Variants in SUSD5 observed in about 807,000 individuals in gnomAD.
The protein encoded by SUSD5 is sushi domain containing 5.
A neutral mutation model predicts 29.5 loss-of-function variants in SUSD5; 33 were observed. That is an observed-to-expected ratio of 1.12 (90% confidence interval 0.85 to 1.49). The LOEUF (loss-of-function observed/expected upper bound fraction) is 1.49. Ranked by LOEUF, SUSD5 falls within the 40% of genes most tolerant of loss-of-function variation. The probability of loss-of-function intolerance (pLI) is 0.00; values close to 1 mark genes in which losing one functional copy is unlikely to be tolerated. For synonymous variants in SUSD5, 308 were observed against 325.3 expected (o/e 0.95, Z 0.57); for missense variants, 776 against 800.6 (o/e 0.97, Z 0.37).
chr3:33,213,927 C>T lies in SUSD5; in HGVS notation c.290+1G>A, dbSNP rs1455608238. ...GGAAAAGGAGTGCTCGCCTAACTTA[C>T]CCAAGAGTACCATCTGCTAGCCAGC... On this transcript the variant is annotated splice_donor_variant, in intron 2 of 4. Transcript: ENST00000309558. LOFTEE classifies it high-confidence loss of function. 3.1e-6 allele frequency: 5 copies of T among 1,589,700 alleles called. No individual in the cohort carries two copies. Among genetic ancestry groups the T allele is most frequent in the African/African-American group, 2.7e-5 (2 of 74,226 alleles).
At chr3:33,163,810 A>G (rs574608071) in intron 4 of SUSD5, among the ~76,000 whole-genome samples, 226 of 152,320 alleles carry the variant, frequency 1.5e-3, no homozygotes, top group Admixed American at 3.1e-3. Flanking sequence ...ATCCTGGCTA[A>G]CACAGTGAAG....
chr3:33,152,691 C>A lies in SUSD5; in HGVS notation c.*51G>T. The A allele has an allele frequency of 6.6e-7, 1 of 1,525,148 alleles. No individual in the cohort carries two copies. Among genetic ancestry groups the A allele is most frequent in the South Asian group, 1.3e-5 (1 of 77,696 alleles). 94.5% of individuals were successfully genotyped at this position (1,525,148 alleles called of 1,614,324 possible). ...TCTAGTGAATTATCGTGTGATGTGT[C>A]ACAGTTATTTTCCTCCCAAGTGGCT... On this transcript the variant is annotated 3_prime_UTR_variant, in exon 5 of 5. Transcript: ENST00000309558.
intron 4 of SUSD5, among the ~76,000 whole-genome samples, chr3:33,174,431 A>G (rs1001305542): frequency 1.3e-5 from 2 of 152,106 alleles, no homozygotes; most frequent in Admixed American, 1.3e-4. Context: ...TCATGCTCAG[A>G]TACAAGAATC....
Position 33,175,017 on chromosome 3 carries a change from C to A in SUSD5, c.467G>T (p.Gly156Val), listed in dbSNP as rs1371530947. ...FPHTILQGRT[G>V]LEMGDELLYV... is the part of the protein sequence containing the mutation. ...CAGCAGTTCATCCCCCATTTCCAAG[C>A]CGGTGCGGCCCTGCAGGATGGTGTG... The change falls in exon 4 of 5, where the codon GGC becomes GTC. Residue 156 changes from glycine to valine, a missense_variant. Transcript: ENST00000309558. 4.3e-6 allele frequency: 7 copies of A among 1,614,054 alleles called. No homozygotes were observed. In the East Asian group the frequency reaches 1.3e-4, roughly 31 times the overall value.
chr3:33,209,387 TCTC>T (rs901989053), intron 2 of SUSD5, among the ~76,000 whole-genome samples: 8 of 152,124 alleles, frequency 5.3e-5, no homozygotes, highest in African/African-American at 1.9e-4. Context: ...ATCTTTCTCT[TCTC>T]CTTTTAGAAT....
At position 33,164,339 on chromosome 3, in the gene SUSD5, G is replaced by C. The variant is rs562693758; in HGVS notation, c.599-10306C>G. The stretch of plus-strand genomic sequence containing the variant: ...GGTGGTTACCAAGGGCTGAGGGAAA[G>C]GAGAAAAAGAAGAAGTTTTATTTAA... On this transcript the variant is annotated intron_variant, in intron 4 of 4. Transcript: ENST00000309558. Among the ~76,000 whole-genome samples the C allele has an allele frequency of 3.3e-5, 5 of 152,228 alleles. No homozygotes were observed. The South Asian group carries it at 1.0e-3, about 32-fold the overall frequency.
intron 2 of SUSD5, among the ~76,000 whole-genome samples, chr3:33,212,477 G>C (rs1289233967): frequency 6.6e-6 from 1 of 152,212 alleles, no homozygotes. Context: ...GATTCCACGG[G>C]TCAGGCACTC....
At chr3:33,178,835 T>G (rs2031608422) in intron 3 of SUSD5, among the ~76,000 whole-genome samples, 1 of 152,236 alleles carries the variant, frequency 6.6e-6, no homozygotes, top group Non-Finnish European at 1.5e-5. Flanking sequence ...TCTGCTAACT[T>G]CTGGAAAAGA....
chr3:33,162,424 G>C (rs2031209421), intron 4 of SUSD5, among the ~76,000 whole-genome samples: 1 of 151,868 alleles, frequency 6.6e-6, no homozygotes, highest in Non-Finnish European at 1.5e-5. Context: ...AATAGAAGAA[G>C]GAGATTTTTA....
chr3:33,162,956 T>G (rs1270001846), intron 4 of SUSD5, among the ~76,000 whole-genome samples: 1 of 148,582 alleles, frequency 6.7e-6, no homozygotes, highest in Non-Finnish European at 1.5e-5. Context: ...AACTAAAAAT[T>G]CTGATGAAAT....
chr3:33,160,526 C>T (rs1167218456), intron 4 of SUSD5, among the ~76,000 whole-genome samples: 1 of 152,174 alleles, frequency 6.6e-6, no homozygotes, highest in African/African-American at 2.4e-5. Context: ...TGCACTCCAG[C>T]CTGGGCAACA....
At chr3:33,194,613 A>G (rs774471475) in intron 3 of SUSD5, among the ~76,000 whole-genome samples, 4 of 152,224 alleles carry the variant, frequency 2.6e-5, no homozygotes, top group African/African-American at 4.8e-5. Context: ...AGGCTGAGAA[A>G]TGGCCATGAT....
In SUSD5 at chr3:33,152,199, C is replaced by T; in HGVS notation, c.*543G>A. On this transcript the variant is annotated 3_prime_UTR_variant, in exon 5 of 5. Transcript: ENST00000309558. ...TTGGGAGGCTAAGGAGGGCAGATCACTTGAGGTCAGGAGTTCTTGACCAGC... is the reference window on the plus strand; with the variant it reads ...TTGGGAGGCTAAGGAGGGCAGATCATTTGAGGTCAGGAGTTCTTGACCAGC... The T allele has an allele frequency of 6.5e-6, 1 of 152,986 alleles. No individual in the cohort carries two copies. The highest frequency in any genetic ancestry group is 1.5e-5 in the Non-Finnish European group (1 of 68,588). The allele number at this position is 152,986 out of a possible 1,614,324, so 9.5% of individuals were successfully genotyped here.
intron 3 of SUSD5, among the ~76,000 whole-genome samples, chr3:33,175,529 T>G (rs2031532567): frequency 6.6e-6 from 1 of 151,782 alleles, no homozygotes; most frequent in African/African-American, 2.4e-5. Flanking sequence ...CCGTTATCAG[T>G]TTGGTATACA....
chr3:33,211,911 A>G (rs1003171609), intron 2 of SUSD5, among the ~76,000 whole-genome samples: 2 of 152,146 alleles, frequency 1.3e-5, no homozygotes, highest in Admixed American at 6.5e-5. Context: ...GTTGATTTTT[A>G]TATGAGGTGA....
chr3:33,189,557 T>C (rs1559452525), intron 3 of SUSD5, among the ~76,000 whole-genome samples: 1 of 150,856 alleles, frequency 6.6e-6, no homozygotes, highest in Admixed American at 6.6e-5. Context: ...ATCTCAATTA[T>C]ATAAGAAAGC....
At chr3:33,202,647 A>AC (rs1466852852) in intron 3 of SUSD5, among the ~76,000 whole-genome samples, 1 of 152,124 alleles carries the variant, frequency 6.6e-6, no homozygotes, top group Admixed American at 6.5e-5. Context: ...CAAGCTGCAG[A>AC]CCCCACAGAC....
intron 4 of SUSD5, among the ~76,000 whole-genome samples, chr3:33,163,010 G>A (rs1047454156): frequency 6.6e-6 from 1 of 151,098 alleles, no homozygotes; most frequent in Non-Finnish European, 1.5e-5. Context: ...AGTGACACAA[G>A]AGGAAATAGA....
At chr3:33,179,063 C>T (rs1471200935) in intron 3 of SUSD5, among the ~76,000 whole-genome samples, 1 of 152,100 alleles carries the variant, frequency 6.6e-6, no homozygotes, top group Non-Finnish European at 1.5e-5. Context: ...ACGCTCTGGG[C>T]TTGTGCTTTC....
Sources: allele counts gnomAD v4.1 joint callset (sites outside exome capture counted in the v4.1 genomes callset), GRCh38; gene constraint gnomAD v4.1.1; transcripts MANE v1.5; gene names NCBI Gene and HGNC (gene_info 2026-07-23, HGNC 2026-07-21).